TIAM2: variants seen among roughly 807,000 people sequenced by gnomAD.
TIAM2 encodes TIAM Rac1 associated GEF 2.
Under a neutral mutation model 152.9 loss-of-function variants are expected in TIAM2, and 80 were observed. The observed-to-expected ratio is 0.52, with a 90% CI of 0.44 to 0.63. The LOEUF (loss-of-function observed/expected upper bound fraction) is 0.63. TIAM2 is among the 30% of genes least tolerant of loss of function. The pLI, the probability that TIAM2 is intolerant of heterozygous loss-of-function variation, is 0.00. For synonymous variants in TIAM2, 804 were observed against 838.0 expected (o/e 0.96, Z 0.70); for missense variants, 1,965 against 2,120.1 (o/e 0.93, Z 1.44).
intron 15 of TIAM2, among the ~76,000 whole-genome samples, chr6:155,223,425 C>T (rs1049942289): frequency 1.3e-5 from 2 of 150,636 alleles, no homozygotes; most frequent in African/African-American, 2.4e-5. Flanking sequence ...TGTTGAGGAA[C>T]GTTAAATAAA....
intron 1 of TIAM2, among the ~76,000 whole-genome samples, chr6:155,088,145 C>T (rs1455279051): frequency 6.7e-6 from 1 of 150,202 alleles, no homozygotes; most frequent in Non-Finnish European, 1.5e-5. Context: ...ACCTCTGCCT[C>T]CCAGGTACAA....
chr6:155,202,539 C>T (rs1681857923), intron 14 of TIAM2, among the ~76,000 whole-genome samples: 1 of 152,060 alleles, frequency 6.6e-6, no homozygotes. Flanking sequence ...CTGCCTCAGC[C>T]TCCTGAGTGG....
chr6:155,170,987 A>G (rs930377209), intron 9 of TIAM2, among the ~76,000 whole-genome samples: 46 of 152,324 alleles, frequency 3.0e-4, no homozygotes, highest in African/African-American at 1.0e-3. Context: ...GGGACTTAAA[A>G]TTCTGCCTGA....
At chr6:155,134,423 ACTC>A (rs748582995) in intron 4 of TIAM2, among the ~76,000 whole-genome samples, 4 of 134,322 alleles carry the variant, frequency 3.0e-5, no homozygotes, top group Non-Finnish European at 6.3e-5. Context: ...GAAAAAGAAA[ACTC>A]CTTGCTTTGC....
chr6:155,211,269 C>G lies in TIAM2; in HGVS notation c.3130C>G (p.Gln1044Glu). 1 of 1,613,586 alleles carries G rather than the reference C, an allele frequency of 6.2e-7. No homozygotes were observed. Among genetic ancestry groups the G allele is most frequent in the Non-Finnish European group, 8.5e-7 (1 of 1,179,592 alleles). Residue 1044 changes from glutamine to glutamate, a missense_variant, in exon 15 of 27, where the codon CAG (glutamine) becomes GAG (glutamate). Coordinates refer to ENST00000682666, the MANE Select transcript of TIAM2 (RefSeq NM_012454.4). ...KRSQTDGTLD[Q>E]VSHREKMEQT... ...GAGTCAGACAGATGGCACTCTGGAT[C>G]AGGTTTCCCACAGGGAGAAAATGGA... is the stretch of plus-strand genomic sequence containing the variant.
At chr6:155,006,340 G>A (rs930110305) in intron 1 of TIAM2, among the ~76,000 whole-genome samples, 7 of 152,064 alleles carry the variant, frequency 4.6e-5, no homozygotes, top group Admixed American at 4.6e-4. Flanking sequence ...CAGAGCTGCA[G>A]TAACACCCAG....
At position 155,100,594 on chromosome 6, in the gene TIAM2, GTA is replaced by G. The variant is rs564385208; in HGVS notation, c.-118+10217_-118+10218del. On this transcript the variant is annotated intron_variant, in intron 2 of 26. Coordinates refer to ENST00000682666, the MANE Select transcript of TIAM2 (RefSeq NM_012454.4). Reference sequence around the variant, plus strand: ...ATTCATGCATGCAGTTACTTAACATGTATTTATTGGGTATTCACCATGTGCCA... The same window carrying G: ...ATTCATGCATGCAGTTACTTAACATGTTTATTGGGTATTCACCATGTGCCA... 7.9e-4 allele frequency among the ~76,000 whole-genome samples: 120 copies of G among 152,272 alleles called. 2 individuals carry two copies. The South Asian group carries it at 0.017, about 21-fold the overall frequency.
chr6:155,065,624 G>A (rs1164669779), intron 1 of TIAM2, among the ~76,000 whole-genome samples: 2 of 151,938 alleles, frequency 1.3e-5, no homozygotes, highest in Non-Finnish European at 2.9e-5. Flanking sequence ...CTAAAAATAC[G>A]AAAATTAGCC....
intron 15 of TIAM2, among the ~76,000 whole-genome samples, chr6:155,219,483 A>G (rs1273833959): frequency 1.3e-5 from 2 of 152,186 alleles, no homozygotes; most frequent in Non-Finnish European, 2.9e-5. Context: ...ACCAGCCCAT[A>G]TGCCTTATTC....
At chr6:155,177,640 A>C (rs1251222918) in intron 10 of TIAM2, among the ~76,000 whole-genome samples, 1 of 152,244 alleles carries the variant, frequency 6.6e-6, no homozygotes, top group Non-Finnish European at 1.5e-5. Context: ...AGGCATATAG[A>C]GTTTGGCAAC....
rs572472421 is a variant in TIAM2 at position 155,199,222 on chromosome 6, C to A, written c.3065-11982C>A. 7.2e-5 allele frequency among the ~76,000 whole-genome samples: 11 copies of A among 152,126 alleles called. No homozygotes were observed. The East Asian group carries it at 1.5e-3, about 21-fold the overall frequency. The stretch of plus-strand genomic sequence containing the variant: ...TCCTGAGTAGCTGGGACTACAGGCA[C>A]AAACCACCACACCCAGATGATTTTT... On this transcript the variant is annotated intron_variant, in intron 14 of 26. Transcript: ENST00000682666.
At chr6:155,164,152 T>TTTTTTTTTTTTTTTTTTTTTTG (rs1252949347) in intron 7 of TIAM2, among the ~76,000 whole-genome samples, 1 of 147,944 alleles carries the variant, frequency 6.8e-6, no homozygotes, top group Non-Finnish European at 1.5e-5. Flanking sequence ...TTTTCTTTTT[T>TTTTTTTTTTTTTTTTTTTTTTG]TTAGTAGAGA....
At chr6:155,045,045 TTTTTC>T (rs1348707548) in intron 1 of TIAM2, among the ~76,000 whole-genome samples, 2 of 148,472 alleles carry the variant, frequency 1.3e-5, no homozygotes, top group African/African-American at 4.9e-5. Flanking sequence ...TTTCTTTTTC[TTTTTC>T]TTTTTTTTTT....
chr6:155,243,973 C>T, intron 16 of TIAM2, 38 bp from the exon 17 acceptor site: 1 of 1,528,538 alleles, frequency 6.5e-7, no homozygotes, highest in East Asian at 2.5e-5. Context: ...ATTTTGGAGA[C>T]TAAAGCGTTG....
rs775097601 is a variant in TIAM2 at position 155,130,372 on chromosome 6, C to G, written c.1149C>G (p.Ile383Met). 229 of 1,613,886 alleles carry G rather than the reference C, an allele frequency of 1.4e-4. No homozygotes were observed. The highest frequency in any genetic ancestry group is 1.5e-4 in the Non-Finnish European group (172 of 1,180,044). ...CCCTCAAAGCCAGGATGCGACGGAT[C>G]AGTGACTGGACGGGAAGCCTCTCAA... ...KDSLKARMRR[I>M]SDWTGSLSRK... The change falls in exon 4 of 27, where the codon ATC becomes ATG. Residue 383 changes from isoleucine to methionine, a missense_variant. Physicochemically the swap from Ile to Met is conservative, Grantham distance 10. This residue lies in a region of TIAM2 where 1,025 missense variants were observed against 1,119.4 expected (regional missense o/e 0.92). Transcript: ENST00000682666.
intron 19 of TIAM2, among the ~76,000 whole-genome samples, 184 bp downstream of exon 19, chr6:155,245,915 C>T (rs938153341): frequency 2.0e-5 from 3 of 152,130 alleles, no homozygotes; most frequent in African/African-American, 4.8e-5. Flanking sequence ...TAATTAGTAG[C>T]TGGGAACAAG....
In TIAM2 at chr6:155,148,168, C is replaced by T. The variant is rs749656463; in HGVS notation, c.1862C>T (p.Ser621Phe). 6.2e-7 allele frequency: 1 copy of T among 1,613,736 alleles called. No individual in the cohort carries two copies. Residue 621 changes from serine (S) to phenylalanine (F), a missense_variant, in exon 7 of 27, where the codon TCC becomes TTC. Physicochemically the swap from Ser to Phe is radical, Grantham distance 155. Around this residue, in one of 3 missense-constraint regions of TIAM2, gnomAD observed 1,025 missense variants for 1,119.4 expected, o/e 0.92. Transcript: ENST00000682666. ...WVTAVHSACASLFAKKHGKED... is the reference protein window; with the variant it reads ...WVTAVHSACAFLFAKKHGKED... ...ACTGCTGTACACTCTGCTTGTGCATCCCTTTTTGCAAAGAAGCATGGGAAA... is the reference window on the plus strand; with the variant it reads ...ACTGCTGTACACTCTGCTTGTGCATTCCTTTTTGCAAAGAAGCATGGGAAA...
chr6:155,178,043 C>G (rs1288439462), intron 10 of TIAM2, among the ~76,000 whole-genome samples: 1 of 151,932 alleles, frequency 6.6e-6, no homozygotes, highest in African/African-American at 2.4e-5. Flanking sequence ...CGCCTGTAGT[C>G]CCAGCTACTC....
At chr6:155,050,595 C>G (rs1777296417) in intron 1 of TIAM2, among the ~76,000 whole-genome samples, 1 of 152,196 alleles carries the variant, frequency 6.6e-6, no homozygotes, top group Non-Finnish European at 1.5e-5. Flanking sequence ...TGCAGCCAAG[C>G]GAGAGGCTGA....
Sources: gnomAD v4.1 joint callset for allele counts (sites outside exome capture counted in the v4.1 genomes callset) on GRCh38, gnomAD v4.1.1 for gene constraint, gnomAD v4.1.1 regional missense constraint, MANE v1.5 for transcripts, NCBI Gene and HGNC (gene_info 2026-07-23, HGNC 2026-07-21) for gene names.